PCDH15: variants seen among roughly 807,000 people sequenced by gnomAD.
PCDH15 encodes the protein protocadherin related 15.
PCDH15 carries 129 observed loss-of-function variants against 178.5 expected under a neutral mutation model. That is an observed-to-expected ratio of 0.72 (90% confidence interval 0.63 to 0.84). The LOEUF is 0.84. Ranked by LOEUF, PCDH15 falls within the 40% of genes least tolerant of loss-of-function variation. The pLI, the probability that PCDH15 is intolerant of heterozygous loss-of-function variation, is 0.00. For missense variants in PCDH15, 2,230 were observed against 2,099.9 expected, an observed-to-expected ratio of 1.06 and a Z score of -1.21; for synonymous variants, 800 against 732.0, an observed-to-expected ratio of 1.09 and a Z score of -1.50.
intron 34 of PCDH15, among the ~76,000 whole-genome samples, chr10:53,817,524 T>TTTC (rs1457933162): frequency 2.0e-5 from 3 of 149,758 alleles, no homozygotes; most frequent in Admixed American, 6.6e-5. Context: ...TTCTTTTTTT[T>TTTC]TTCTTTTTTT....
At chr10:54,853,285 G>GTA (rs763063871) in intron 3 of PCDH15, among the ~76,000 whole-genome samples, 23,321 of 85,168 alleles carry the variant, frequency 0.27, 2,637 homozygotes, top group East Asian at 0.5. Context: ...GTGTATGTAT[G>GTA]TGTGTATATA....
At chr10:54,159,925 T>C (rs1487741529) in intron 13 of PCDH15, among the ~76,000 whole-genome samples, 2 of 152,192 alleles carry the variant, frequency 1.3e-5, no homozygotes, top group African/African-American at 2.4e-5. Flanking sequence ...CTTACATAGA[T>C]ATGAGCAACC....
chr10:54,939,698 G>C (rs145231187), intron 2 of PCDH15, among the ~76,000 whole-genome samples: 1 of 151,974 alleles, frequency 6.6e-6, no homozygotes, highest in African/African-American at 2.4e-5. Context: ...AAATGTGTTG[G>C]TCACAGTTCT....
rs71007827 is a variant in PCDH15, at chr10:54,242,187, TAC to T, written c.877-5258_877-5257del. 1.4e-3 allele frequency among the ~76,000 whole-genome samples: 109 copies of T among 76,782 alleles called. 2 individuals are homozygous for T. Among genetic ancestry groups the T allele is most frequent in the African/African-American group, 4.0e-3 (74 of 18,592 alleles). 50.4% of individuals were successfully genotyped at this position (76,782 alleles called of 152,430 possible). On this transcript the variant is annotated intron_variant, in intron 8 of 37. Coordinates refer to ENST00000644397, the MANE Select transcript of PCDH15 (RefSeq NM_001384140.1). ...ATATATATATATATATATATATATA[TAC>T]ACACACACACATACATACATACACA...
At chr10:55,242,596 C>G (rs1365815347) in intron 1 of PCDH15, among the ~76,000 whole-genome samples, 1 of 152,030 alleles carries the variant, frequency 6.6e-6, no homozygotes, top group African/African-American at 2.4e-5. Flanking sequence ...CCTATTACAG[C>G]TTTTGAGGAG....
chr10:55,226,608 C>T (rs1841052613), intron 1 of PCDH15, among the ~76,000 whole-genome samples: 2 of 151,944 alleles, frequency 1.3e-5, no homozygotes, highest in Admixed American at 6.6e-5. Flanking sequence ...TCTCGAACTC[C>T]TGACCTCAGG....
At chr10:55,378,809 C>T (rs1177133318) in intron 2 of PCDH15, among the ~76,000 whole-genome samples, 1 of 151,438 alleles carries the variant, frequency 6.6e-6, no homozygotes, top group Non-Finnish European at 1.5e-5. Context: ...CCTCTCCCTC[C>T]CTCCTTTTTC....
intron 1 of PCDH15, among the ~76,000 whole-genome samples, chr10:54,739,824 A>G (rs558216001): frequency 1.1e-4 from 17 of 152,226 alleles, no homozygotes; most frequent in African/African-American, 4.1e-4. Context: ...TAAACTAGAT[A>G]GCCACATGCA....
intron 1 of PCDH15, among the ~76,000 whole-genome samples, chr10:54,800,443 C>A (rs1447257814): frequency 6.6e-6 from 1 of 152,098 alleles, no homozygotes; most frequent in Non-Finnish European, 1.5e-5. Flanking sequence ...AAATACTGTT[C>A]ATTGTGAGGC....
chr10:54,866,231 GC>G (rs1221947033), intron 3 of PCDH15, among the ~76,000 whole-genome samples: 7 of 152,202 alleles, frequency 4.6e-5, no homozygotes, highest in Admixed American at 3.3e-4. Context: ...TGAAGGTATT[GC>G]TTTTTTTCAT....
chr10:54,499,534 A>T (rs1565433044), intron 3 of PCDH15, among the ~76,000 whole-genome samples: 1 of 152,148 alleles, frequency 6.6e-6, no homozygotes. Context: ...AAAACCATAA[A>T]ACTATATGGA....
At chr10:54,997,593 A>C (rs1156711883) in intron 2 of PCDH15, among the ~76,000 whole-genome samples, 1 of 152,228 alleles carries the variant, frequency 6.6e-6, no homozygotes, top group Non-Finnish European at 1.5e-5. Context: ...ATCTTTGTGC[A>C]AATTTATTTG....
At chr10:55,467,296 A>G (rs952109542) in intron 2 of PCDH15, among the ~76,000 whole-genome samples, 1 of 151,828 alleles carries the variant, frequency 6.6e-6, no homozygotes, top group Admixed American at 6.6e-5. Flanking sequence ...ATTGGAGCAG[A>G]GACAGAGTTG....
intron 2 of PCDH15, among the ~76,000 whole-genome samples, chr10:54,988,310 G>T (rs185620394): frequency 6.6e-6 from 1 of 152,260 alleles, no homozygotes; most frequent in East Asian, 1.9e-4. Context: ...GTAGCATGAT[G>T]CCTCCAGTAG....
chr10:54,810,646 T>A (rs1021458007), intron 3 of PCDH15, among the ~76,000 whole-genome samples: 1 of 152,116 alleles, frequency 6.6e-6, no homozygotes, highest in Non-Finnish European at 1.5e-5. Context: ...AAAACAAGTG[T>A]CAACCCCTAG....
intron 3 of PCDH15, among the ~76,000 whole-genome samples, chr10:54,857,579 A>G (rs1284574206): frequency 6.6e-6 from 1 of 151,688 alleles, no homozygotes; most frequent in Admixed American, 6.6e-5. Context: ...CCGAGTACAT[A>G]GGATTACAGG....
intron 2 of PCDH15, among the ~76,000 whole-genome samples, chr10:54,970,618 T>TAAA (rs34137952): frequency 3.3e-5 from 5 of 151,654 alleles, no homozygotes; most frequent in South Asian, 2.1e-4. Context: ...AAAATTCCCT[T>TAAA]AAAAAAACTA....
chr10:54,122,986 G>T (rs979397470), intron 15 of PCDH15, among the ~76,000 whole-genome samples: 5 of 151,944 alleles, frequency 3.3e-5, no homozygotes, highest in East Asian at 1.9e-4. Context: ...AATGAAACTG[G>T]ATACCTACCT....
intron 16 of PCDH15, among the ~76,000 whole-genome samples, chr10:54,085,376 C>G (rs1299993394): frequency 6.6e-6 from 1 of 152,074 alleles, no homozygotes; most frequent in African/African-American, 2.4e-5. Context: ...ATCACAGACC[C>G]CATGCTTCAG....
Sources: gnomAD v4.1 joint callset for allele counts (sites outside exome capture counted in the v4.1 genomes callset) on GRCh38, gnomAD v4.1.1 for gene constraint, MANE v1.5 for transcripts, NCBI Gene and HGNC (gene_info 2026-07-23, HGNC 2026-07-21) for gene names.